The following ADGRV1 variants were observed in gnomAD, a reference collection of about 807,000 sequenced individuals.
ADGRV1 encodes the protein adhesion G protein-coupled receptor V1.
Under a neutral mutation model 596.2 loss-of-function variants are expected in ADGRV1, and 359 were observed. The ratio of observed to expected loss-of-function variants is 0.60; its 90% CI spans 0.55 to 0.66. ADGRV1 has a LOEUF of 0.66. Ranked by LOEUF, ADGRV1 falls within the 30% of genes least tolerant of loss-of-function variation. The pLI is 0.00. For missense variants in ADGRV1, 7,274 were observed against 7,575.6 expected, an observed-to-expected ratio of 0.96 and a Z score of 1.48; for synonymous variants, 2,681 against 2,679.2, an observed-to-expected ratio of 1.00 and a Z score of -0.02.
At chr5:91,126,441 C>T (rs903027072) in intron 87 of ADGRV1, among the ~76,000 whole-genome samples, 7 of 152,208 alleles carry the variant, frequency 4.6e-5, no homozygotes, top group Admixed American at 1.3e-4. Context: ...AGCAGCATTG[C>T]CCCACTTAGA....
chr5:91,117,477 TAGGGAC>T (rs1382925874), intron 87 of ADGRV1, among the ~76,000 whole-genome samples: 1 of 152,154 alleles, frequency 6.6e-6, no homozygotes, highest in Non-Finnish European at 1.5e-5. Flanking sequence ...ACCTGAATGG[TAGGGAC>T]TTTTATTCCT....
intron 85 of ADGRV1, among the ~76,000 whole-genome samples, chr5:91,040,567 T>C (rs973102769): frequency 2.0e-5 from 3 of 152,208 alleles, no homozygotes; most frequent in African/African-American, 7.2e-5. Flanking sequence ...TTAACAAATA[T>C]TACGTTTATA....
intron 81 of ADGRV1, 106 bp from the exon 82 acceptor site, chr5:90,855,635 T>C (rs1323173951): frequency 2.7e-6 from 2 of 739,226 alleles, no homozygotes; most frequent in Non-Finnish European, 4.4e-6. Flanking sequence ...ACTTAAGTCT[T>C]GAGCAAAGAA....
Position 90,635,252 on chromosome 5 carries a change from A to G in ADGRV1, c.1978A>G (p.Ile660Val), listed in dbSNP as rs776952851. ...GEIGFLSNLP[I>V]ILHEPEDFAA... ...AATTGGCTTTCTCAGCAATCTTCCA[A>G]TTATTTTGCATGAACCAGAAGATTT... is the stretch of plus-strand genomic sequence containing the variant. The change falls in exon 10 of 90, where the codon ATT becomes GTT. Residue 660 changes from isoleucine to valine, a missense_variant. This residue lies in a region of ADGRV1 where 1,715 missense variants were observed against 1,708.8 expected (regional missense o/e 1.00). Transcript: ENST00000405460. 8.7e-6 allele frequency: 14 copies of G among 1,612,698 alleles called. No individual in the cohort carries two copies. In the Admixed American group the frequency reaches 1.5e-4, roughly 17 times the overall value.
intron 82 of ADGRV1, 64 bp downstream of exon 82, chr5:90,855,965 C>T: frequency 7.4e-7 from 1 of 1,344,472 alleles, no homozygotes; most frequent in Non-Finnish European, 1.1e-6. Flanking sequence ...TCTGTTTTCC[C>T]ATAATCCTTT....
intron 7 of ADGRV1, among the ~76,000 whole-genome samples, chr5:90,628,333 G>A (rs1765068801): frequency 6.6e-6 from 1 of 152,148 alleles, no homozygotes; most frequent in African/African-American, 2.4e-5. Flanking sequence ...GATTGCCTGA[G>A]TCCATGAAGT....
At chr5:90,929,636 T>G (rs60681604) in intron 83 of ADGRV1, 62,311 of 152,270 alleles carry the variant, frequency 0.41, 13,650 homozygotes, top group East Asian at 0.81. Context: ...CTGTTCCTAT[T>G]CGGCCATATT....
chr5:90,659,496 TGCCTGG>T (rs1447390838), intron 21 of ADGRV1, among the ~76,000 whole-genome samples: 2 of 152,222 alleles, frequency 1.3e-5, no homozygotes, highest in Admixed American at 6.5e-5. Context: ...TTGCAAATCA[TGCCTGG>T]GTAAAAGACT....
intron 85 of ADGRV1, among the ~76,000 whole-genome samples, chr5:91,056,386 A>G (rs558779155): frequency 2.6e-5 from 4 of 152,200 alleles, no homozygotes; most frequent in African/African-American, 7.2e-5. Flanking sequence ...GCTCGGTCCA[A>G]CCACTGAGCT....
At chr5:90,580,525 C>A (rs887430197) in intron 1 of ADGRV1, among the ~76,000 whole-genome samples, 3 of 147,854 alleles carry the variant, frequency 2.0e-5, no homozygotes, top group African/African-American at 7.9e-5. Context: ...ACCTTGTCTT[C>A]CCGCTTTCTC....
At chr5:90,569,071 A>G (rs1756041436) in intron 1 of ADGRV1, among the ~76,000 whole-genome samples, 1 of 152,072 alleles carries the variant, frequency 6.6e-6, no homozygotes, top group Non-Finnish European at 1.5e-5. Context: ...CAGGATGGAA[A>G]GTTAGAGGGC....
At chr5:90,627,915 A>AAG in intron 7 of ADGRV1, 139 bp downstream of exon 7, 1 of 317,616 alleles carries the variant, frequency 3.1e-6, no homozygotes, top group East Asian at 4.7e-5. Context: ...AAACTCAGAA[A>AAG]AGACACACAC....
chr5:90,839,170 A>C (rs1222969818), intron 77 of ADGRV1, among the ~76,000 whole-genome samples: 1 of 152,034 alleles, frequency 6.6e-6, no homozygotes, highest in South Asian at 2.1e-4. Flanking sequence ...ACATGCCTAC[A>C]TGATCTGACT....
At chr5:90,763,021 A>G in intron 58 of ADGRV1, 1 of 246,934 alleles carries the variant, frequency 4.0e-6, no homozygotes, top group Non-Finnish European at 7.9e-6. Flanking sequence ...TGTTTATGGC[A>G]AGAGTATTAG....
intron 59 of ADGRV1, among the ~76,000 whole-genome samples, chr5:90,772,366 TTC>T (rs1407262082): frequency 1.3e-5 from 2 of 152,232 alleles, no homozygotes; most frequent in Non-Finnish European, 2.9e-5. Flanking sequence ...TAAACAAATG[TTC>T]TTTTTCCAGT....
intron 78 of ADGRV1, among the ~76,000 whole-genome samples, chr5:90,846,008 G>T (rs956042103): frequency 2.0e-5 from 3 of 152,210 alleles, no homozygotes; most frequent in Non-Finnish European, 4.4e-5. Context: ...CTATGTGGGA[G>T]ATGACTATTC....
intron 86 of ADGRV1, among the ~76,000 whole-genome samples, chr5:91,099,831 A>G (rs1236494521): frequency 6.6e-6 from 1 of 152,188 alleles, no homozygotes; most frequent in African/African-American, 2.4e-5. Flanking sequence ...ATGAATTTCA[A>G]TATATAGAGA....
At chr5:91,140,122 C>T (rs553582360) in intron 87 of ADGRV1, among the ~76,000 whole-genome samples, 1 of 152,316 alleles carries the variant, frequency 6.6e-6, no homozygotes, top group East Asian at 1.9e-4. Flanking sequence ...TCTACACTCA[C>T]ATTCTAACCT....
In ADGRV1 at chr5:90,721,017, A is replaced by T; in HGVS notation, c.9706A>T (p.Ser3236Cys). The change falls in exon 45 of 90, where the codon AGT becomes TGT. Residue 3236 changes from serine (S) to cysteine (C), a missense_variant. Ser to Cys is a moderately radical substitution (Grantham distance 112, BLOSUM62 -1). Coordinates refer to ENST00000405460, the MANE Select transcript of ADGRV1 (RefSeq NM_032119.4). The stretch of plus-strand genomic sequence containing the variant: ...AACTAATGGCATTGATTTGGCTGTG[A>T]GTGTGCAGTGGGAGACAGTATCTGA... ...SRTNGIDLAV[S>C]VQWETVSETA... 6.2e-7 allele frequency: 1 copy of T among 1,612,856 alleles called. No individual in the cohort carries two copies. Among genetic ancestry groups the T allele is most frequent in the Non-Finnish European group, 8.5e-7 (1 of 1,179,160 alleles).
Sources: allele counts gnomAD v4.1 joint callset (sites outside exome capture counted in the v4.1 genomes callset), GRCh38; gene constraint gnomAD v4.1.1; regional missense constraint gnomAD v4.1.1; transcripts MANE v1.5; gene names NCBI Gene and HGNC (gene_info 2026-07-23, HGNC 2026-07-21).